RAI14: variants seen among roughly 807,000 people sequenced by gnomAD.
RAI14 encodes the protein ankycorbin.
A neutral mutation model predicts 115.4 loss-of-function variants in RAI14; 45 were observed. The observed-to-expected ratio is 0.39, with a 90% confidence interval of 0.31 to 0.50. The LOEUF is 0.50. RAI14 is among the 20% of genes least tolerant of loss of function. The pLI is 0.85. For synonymous variants in RAI14, 371 were observed against 415.4 expected, an observed-to-expected ratio of 0.89 and a Z score of 1.30; for missense variants, 939 against 1,131.2, an observed-to-expected ratio of 0.83 and a Z score of 2.44.
chr5:34,783,268 A>G (rs1026748623), intron 3 of RAI14, among the ~76,000 whole-genome samples: 1 of 152,092 alleles, frequency 6.6e-6, no homozygotes, highest in African/African-American at 2.4e-5. Flanking sequence ...TTCTGTCCTC[A>G]AGTAGGTGGC....
At chr5:34,784,053 C>T (rs1018736830) in intron 3 of RAI14, among the ~76,000 whole-genome samples, 1 of 152,222 alleles carries the variant, frequency 6.6e-6, no homozygotes, top group African/African-American at 2.4e-5. Flanking sequence ...GGATTAACTC[C>T]TCCTGGAAAA....
intron 2 of RAI14, among the ~76,000 whole-genome samples, chr5:34,697,241 A>G (rs763497088): frequency 2.5e-4 from 38 of 152,238 alleles, no homozygotes; most frequent in South Asian, 4.2e-4. Context: ...GTTCGAGACC[A>G]GCCTGACCAA....
intron 2 of RAI14, among the ~76,000 whole-genome samples, chr5:34,737,547 A>G (rs1199231409): frequency 6.6e-6 from 1 of 151,696 alleles, no homozygotes; most frequent in South Asian, 2.1e-4. Flanking sequence ...GCTTGAGCTT[A>G]GGAGTTTGAG....
At chr5:34,797,930 T>C (rs115423299) in intron 4 of RAI14, among the ~76,000 whole-genome samples, 135 of 152,362 alleles carry the variant, frequency 8.9e-4, no homozygotes, top group Middle Eastern at 3.4e-3. Context: ...GTACTTGATA[T>C]TAAGAAATAG....
At chr5:34,718,844 C>A (rs1283100135) in intron 2 of RAI14, among the ~76,000 whole-genome samples, 3 of 152,168 alleles carry the variant, frequency 2.0e-5, no homozygotes, top group Non-Finnish European at 4.4e-5. Flanking sequence ...ATGAATAGTG[C>A]CTGCGCAGGA....
At chr5:34,743,730 G>A (rs1264601113) in intron 2 of RAI14, among the ~76,000 whole-genome samples, 6 of 152,198 alleles carry the variant, frequency 3.9e-5, no homozygotes, top group Non-Finnish European at 8.8e-5. Context: ...TGGGCCTGGG[G>A]TAGACCCCAG....
chr5:34,809,389 A>G (rs984433838), intron 7 of RAI14, among the ~76,000 whole-genome samples: 10 of 152,204 alleles, frequency 6.6e-5, no homozygotes, highest in African/African-American at 2.4e-4. Flanking sequence ...TAGCATTCCT[A>G]TGTGTGATGT....
At chr5:34,736,642 A>T (rs1300401327) in intron 2 of RAI14, among the ~76,000 whole-genome samples, 1 of 152,086 alleles carries the variant, frequency 6.6e-6, no homozygotes, top group Admixed American at 6.5e-5. Flanking sequence ...AGCTCAAGGG[A>T]TCCTCCTGCC....
intron 3 of RAI14, among the ~76,000 whole-genome samples, chr5:34,793,791 G>A (rs1753199120): frequency 6.6e-6 from 1 of 152,120 alleles, no homozygotes; most frequent in South Asian, 2.1e-4. Flanking sequence ...AGATGGCATA[G>A]TGAACAGCTT....
chr5:34,695,244 G>A (rs1739081017), intron 2 of RAI14, among the ~76,000 whole-genome samples: 1 of 152,176 alleles, frequency 6.6e-6, no homozygotes, highest in Non-Finnish European at 1.5e-5. Context: ...AAGCTGCAGG[G>A]TCCTTCTGTG....
chr5:34,805,169 T>C (rs939350570), intron 5 of RAI14, among the ~76,000 whole-genome samples: 5 of 152,328 alleles, frequency 3.3e-5, no homozygotes, highest in Middle Eastern at 3.4e-3. Flanking sequence ...AGGGCAGACA[T>C]TTCACTAGCG....
rs535411427 is a variant in RAI14, at chr5:34,728,470, T to C, written c.37-28998T>C. ...TCCATGGGAGGGACCCAGTGGGAGG[T>C]AACTGAATCACGGGGCGGTTTTTCC... On this transcript the variant is annotated intron_variant, in intron 2 of 17. Coordinates refer to ENST00000265109, the MANE Select transcript of RAI14 (RefSeq NM_015577.3). 3 of 152,220 alleles carry C rather than the reference T, an allele frequency of 2.0e-5. No homozygotes were observed. The East Asian group carries it at 5.8e-4, about 29-fold the overall frequency. 9.4% of individuals were successfully genotyped at this position (152,220 alleles called of 1,614,324 possible).
intron 5 of RAI14, among the ~76,000 whole-genome samples, chr5:34,805,838 C>G (rs1204561066): frequency 6.6e-6 from 1 of 152,088 alleles, no homozygotes; most frequent in Non-Finnish European, 1.5e-5. Context: ...GAGACTCCAT[C>G]TCAAAAACAA....
At chr5:34,808,858 T>C (rs1755235730) in intron 7 of RAI14, among the ~76,000 whole-genome samples, 1 of 152,198 alleles carries the variant, frequency 6.6e-6, no homozygotes, top group Non-Finnish European at 1.5e-5. Flanking sequence ...TCATCAGGCA[T>C]TGGAGTGCAC....
intron 3 of RAI14, among the ~76,000 whole-genome samples, chr5:34,766,065 G>T (rs1749307714): frequency 6.6e-6 from 1 of 152,214 alleles, no homozygotes. Flanking sequence ...AACTACACCT[G>T]GATTTCAGAA....
At chr5:34,809,290 G>T (rs543433078) in intron 7 of RAI14, among the ~76,000 whole-genome samples, 2 of 152,110 alleles carry the variant, frequency 1.3e-5, no homozygotes, top group Non-Finnish European at 2.9e-5. Context: ...ACATCATTCT[G>T]TTTATAGCAT....
chr5:34,665,493 CTTTT>C (rs761118730), intron 1 of RAI14, among the ~76,000 whole-genome samples: 6 of 134,656 alleles, frequency 4.5e-5, no homozygotes, highest in Admixed American at 2.3e-4. Flanking sequence ...ATTTTTTTTT[CTTTT>C]TTTTTTTTTT....
At chr5:34,672,080 G>C (rs183586048) in intron 1 of RAI14, among the ~76,000 whole-genome samples, 1 of 151,926 alleles carries the variant, frequency 6.6e-6, no homozygotes, top group African/African-American at 2.4e-5. Context: ...ATTACACATG[G>C]GATAATGGAC....
At chr5:34,782,732 C>G (rs1456146215) in intron 3 of RAI14, among the ~76,000 whole-genome samples, 1 of 152,190 alleles carries the variant, frequency 6.6e-6, no homozygotes, top group Non-Finnish European at 1.5e-5. Flanking sequence ...ATAATAGGAA[C>G]TTTTGCCATA....
Sources: allele counts gnomAD v4.1 joint callset (sites outside exome capture counted in the v4.1 genomes callset), GRCh38; gene constraint gnomAD v4.1.1; transcripts MANE v1.5; gene names NCBI Gene and HGNC (gene_info 2026-07-23, HGNC 2026-07-21).